The following CYB5R4 variants were observed in gnomAD, a reference collection of about 807,000 sequenced individuals.
CYB5R4 encodes N-terminal cytochrome b5 and cytochrome b5 oxidoreductase domain-containing protein.
A neutral mutation model predicts 70.2 loss-of-function variants in CYB5R4; 55 were observed. The ratio of observed to expected loss-of-function variants is 0.78; its 90% CI spans 0.63 to 0.98. The LOEUF (loss-of-function observed/expected upper bound fraction) is 0.98, where lower values mean the gene tolerates loss of function less well. Ranked by LOEUF, CYB5R4 falls within the 50% of genes least tolerant of loss-of-function variation. The pLI, the probability that CYB5R4 is intolerant of heterozygous loss-of-function variation, is 0.00. For missense variants in CYB5R4, 562 were observed against 612.6 expected (o/e 0.92, Z 0.87); for synonymous variants, 197 against 199.5 (o/e 0.99, Z 0.11).
chr6:83,960,759 T>A lies in CYB5R4; in HGVS notation c.*881T>A, dbSNP rs1384854111. The A allele has an allele frequency of 6.6e-6, 1 of 152,248 alleles. No homozygotes were observed. The highest frequency in any genetic ancestry group is 1.5e-5 in the Non-Finnish European group (1 of 68,044). The allele number at this position is 152,248 out of a possible 1,614,324, so 9.4% of individuals were successfully genotyped here. On this transcript the variant is annotated 3_prime_UTR_variant, in exon 16 of 16. Coordinates refer to ENST00000369681, the MANE Select transcript of CYB5R4 (RefSeq NM_016230.4). ...ATTCTGCCTTGAATGGTTCTTCCCCTGGTTGGCTGCTTTCTCCACAACTGG... is the reference window on the plus strand; with the variant it reads ...ATTCTGCCTTGAATGGTTCTTCCCCAGGTTGGCTGCTTTCTCCACAACTGG...
intron 2 of CYB5R4, among the ~76,000 whole-genome samples, chr6:83,872,616 T>C (rs1276450592): frequency 6.6e-6 from 1 of 152,220 alleles, no homozygotes; most frequent in Non-Finnish European, 1.5e-5. Flanking sequence ...CACTGTGTTT[T>C]AGGATTAACG....
At chr6:83,883,909 G>A (rs1425496821) in intron 2 of CYB5R4, among the ~76,000 whole-genome samples, 1 of 151,982 alleles carries the variant, frequency 6.6e-6, no homozygotes, top group Non-Finnish European at 1.5e-5. Context: ...GGTAAAAGTT[G>A]AGGATATATA....
In CYB5R4 at chr6:83,893,390, C is replaced by T. The variant is rs2099461430; in HGVS notation, c.230-132C>T. 6.7e-6 allele frequency: 4 copies of T among 600,040 alleles called. No homozygotes were observed. The South Asian group carries it at 9.0e-5, about 14-fold the overall frequency. 37.2% of individuals were successfully genotyped at this position (600,040 alleles called of 1,614,324 possible). ...AATCTCAGATCCTTTACAGTTAGTT[C>T]TTGATACTTTGAAATAACAGTGATT... On this transcript the variant is annotated intron_variant, in intron 2 of 15. Coordinates refer to ENST00000369681, the MANE Select transcript of CYB5R4 (RefSeq NM_016230.4).
At position 83,924,473 on chromosome 6, in the gene CYB5R4, G is replaced by A. The variant is rs747216883; in HGVS notation, c.695G>A (p.Arg232Gln). 1.3e-5 allele frequency: 21 copies of A among 1,613,008 alleles called. No individual in the cohort carries two copies. Among genetic ancestry groups the A allele is most frequent in the Admixed American group, 5.0e-5 (3 of 59,890 alleles). ...SHEVQEDFSV[R>Q]VVESVGKIEI... ...ATGGAATTTATCTTCTTTTCAGTGC[G>A]GGTTGTTGAGAGTGTGGGAAAAATA... is the stretch of plus-strand genomic sequence containing the variant. The change falls in exon 10 of 16, where the codon CGG becomes CAG. Residue 232 changes from arginine to glutamine, a missense_variant. By Grantham distance (43) the Arg-to-Gln change is conservative. Transcript: ENST00000369681.
intron 14 of CYB5R4, among the ~76,000 whole-genome samples, chr6:83,954,300 G>T (rs758527581): frequency 1.3e-5 from 2 of 152,146 alleles, no homozygotes; most frequent in Non-Finnish European, 2.9e-5. Flanking sequence ...CAGGATAACA[G>T]CCTCTTTAGA....
chr6:83,869,535 A>G (rs1588558562), intron 2 of CYB5R4, among the ~76,000 whole-genome samples: 2 of 152,310 alleles, frequency 1.3e-5, no homozygotes. Flanking sequence ...TACTGTAAAA[A>G]AGTGTCTTTT....
intron 2 of CYB5R4, among the ~76,000 whole-genome samples, chr6:83,888,167 G>C (rs1043666720): frequency 6.6e-6 from 1 of 152,112 alleles, no homozygotes; most frequent in African/African-American, 2.4e-5. Flanking sequence ...TAATAAAATT[G>C]CATCACTGGA....
rs569819007 is a variant in CYB5R4 at position 83,966,519 on chromosome 6, C to T, written c.*6641C>T. 4 of 152,166 alleles carry T rather than the reference C, an allele frequency of 2.6e-5. No individual in the cohort carries two copies. Among genetic ancestry groups the T allele is most frequent in the Non-Finnish European group, 5.9e-5 (4 of 68,058 alleles). 9.4% of individuals were successfully genotyped at this position (152,166 alleles called of 1,614,324 possible). A position where few individuals can be genotyped will look rare whatever the true frequency, so the allele number is the denominator to read the frequency against. On this transcript the variant is annotated 3_prime_UTR_variant, in exon 16 of 16. Transcript: ENST00000369681. ...CCAGCCTGACCAACATGGAGAAACC[C>T]TCTCTCTACTAAAAATACAAAATTA...
intron 14 of CYB5R4, among the ~76,000 whole-genome samples, chr6:83,943,958 A>G (rs1018162905): frequency 1.3e-5 from 2 of 150,404 alleles, no homozygotes; most frequent in Non-Finnish European, 3.0e-5. Context: ...ATGGGACTAC[A>G]TTTGGTGTAC....
chr6:83,911,639 ATAC>A (rs1205127688), intron 4 of CYB5R4, among the ~76,000 whole-genome samples: 2 of 152,176 alleles, frequency 1.3e-5, no homozygotes, highest in Non-Finnish European at 2.9e-5. Context: ...CTTAGCTAAA[ATAC>A]TACTTCTTCT....
chr6:83,953,064 G>A (rs2099471790), intron 14 of CYB5R4, among the ~76,000 whole-genome samples: 1 of 152,150 alleles, frequency 6.6e-6, no homozygotes, highest in Non-Finnish European at 1.5e-5. Context: ...ATGTTCCTCA[G>A]ATGTTGTGTT....
In CYB5R4 at chr6:83,859,765, C is replaced by T. The variant is rs749039826; in HGVS notation, c.-18C>T. On this transcript the variant is annotated 5_prime_UTR_variant, in exon 1 of 16. Transcript: ENST00000369681. ...CTGGCGGCGATCCCCGGGCAGGGCC[C>T]GGGGCCGGGGTTTGAAGATGCTGAA... 6.2e-6 allele frequency: 10 copies of T among 1,611,544 alleles called. No individual in the cohort carries two copies. In the East Asian group the frequency reaches 1.8e-4, roughly 29 times the overall value.
chr6:83,883,662 A>G (rs2099459804), intron 2 of CYB5R4, among the ~76,000 whole-genome samples: 1 of 152,212 alleles, frequency 6.6e-6, no homozygotes, highest in Non-Finnish European at 1.5e-5. Flanking sequence ...GCTAAAAGGC[A>G]TTCATCAGGT....
intron 3 of CYB5R4, among the ~76,000 whole-genome samples, chr6:83,904,831 T>C (rs1050083595): frequency 5.3e-5 from 8 of 152,230 alleles, no homozygotes; most frequent in Non-Finnish European, 1.2e-4. Flanking sequence ...TATAATTCTG[T>C]TGTACCTCAC....
intron 2 of CYB5R4, among the ~76,000 whole-genome samples, chr6:83,879,271 G>A (rs1256637457): frequency 1.3e-5 from 2 of 152,090 alleles, no homozygotes; most frequent in Admixed American, 6.6e-5. Flanking sequence ...AGGGCAAAGG[G>A]TCTAGGATGT....
At chr6:83,939,028 G>T (rs552232747) in intron 12 of CYB5R4, among the ~76,000 whole-genome samples, 44 of 151,958 alleles carry the variant, frequency 2.9e-4, no homozygotes, top group Non-Finnish European at 5.3e-4. Context: ...TAGAGACGGG[G>T]TTTCTCCATG....
intron 8 of CYB5R4, 59 bp downstream of exon 8, chr6:83,921,234 A>C: frequency 7.4e-7 from 1 of 1,355,436 alleles, no homozygotes; most frequent in Non-Finnish European, 9.9e-7. Context: ...TATGGCAATA[A>C]CTTGGTCTAC....
rs2099473192 is a variant in CYB5R4 at position 83,960,726 on chromosome 6, T to C, written c.*848T>C. 6.6e-6 allele frequency: 1 copy of C among 152,226 alleles called. No individual in the cohort carries two copies. The highest frequency in any genetic ancestry group is 2.1e-4 in the South Asian group (1 of 4,832). 9.4% of individuals were successfully genotyped at this position (152,226 alleles called of 1,614,324 possible). A position where few individuals can be genotyped will look rare whatever the true frequency, so the allele number is the denominator to read the frequency against. ...AGTCCATCTAAATCAGCTGGAAAAA[T>C]GAGGAACATTCTGCCTTGAATGGTT... On this transcript the variant is annotated 3_prime_UTR_variant, in exon 16 of 16. Coordinates refer to ENST00000369681, the MANE Select transcript of CYB5R4 (RefSeq NM_016230.4).
At chr6:83,952,512 T>G (rs1056195524) in intron 14 of CYB5R4, among the ~76,000 whole-genome samples, 1 of 152,052 alleles carries the variant, frequency 6.6e-6, no homozygotes, top group Non-Finnish European at 1.5e-5. Flanking sequence ...ATCTGGGTAG[T>G]AGGATTGCAT....
Sources: gnomAD v4.1 joint callset for allele counts (sites outside exome capture counted in the v4.1 genomes callset) on GRCh38, gnomAD v4.1.1 for gene constraint, MANE v1.5 for transcripts, NCBI Gene and HGNC (gene_info 2026-07-23, HGNC 2026-07-21) for gene names.